The following SCN9A variants were observed in gnomAD, a reference collection of about 807,000 sequenced individuals.
The protein encoded by SCN9A is sodium voltage-gated channel alpha subunit 9, also known as sodium channel protein type 9 subunit alpha.
A neutral mutation model predicts 187.0 loss-of-function variants in SCN9A; 131 were observed. The ratio of observed to expected loss-of-function variants is 0.70; its 90% confidence interval spans 0.61 to 0.81. The LOEUF is 0.81. Ranked by LOEUF, SCN9A falls within the 30% of genes least tolerant of loss-of-function variation. The pLI, the probability that SCN9A is intolerant of heterozygous loss-of-function variation, is 0.00. For missense variants in SCN9A, 2,252 were observed against 2,396.6 expected, an observed-to-expected ratio of 0.94 and a Z score of 1.26; for synonymous variants, 809 against 808.6, an observed-to-expected ratio of 1.00 and a Z score of -0.01.
chr2:166,275,255 T>C (rs1697179531), intron 16 of SCN9A, among the ~76,000 whole-genome samples: 1 of 152,122 alleles, frequency 6.6e-6, no homozygotes, highest in Non-Finnish European at 1.5e-5. Context: ...AGTTATACCT[T>C]TCCCAATTTC....
At chr2:166,200,027 T>G (rs1327404783) in intron 26 of SCN9A, among the ~76,000 whole-genome samples, 163 bp from the exon 27 acceptor site, 2 of 113,914 alleles carry the variant, frequency 1.8e-5, no homozygotes, top group Admixed American at 9.8e-5. Flanking sequence ...AGACGGAGTC[T>G]CGCTCTGTCG....
intron 1 of SCN9A, among the ~76,000 whole-genome samples, chr2:166,342,404 G>T (rs1263041848): frequency 6.6e-6 from 1 of 152,078 alleles, no homozygotes; most frequent in Non-Finnish European, 1.5e-5. Context: ...TAGCTTTCCT[G>T]CCTTTCCTTA....
At chr2:166,335,809 G>A (rs1316903469) in intron 1 of SCN9A, among the ~76,000 whole-genome samples, 2 of 152,066 alleles carry the variant, frequency 1.3e-5, no homozygotes, top group African/African-American at 4.8e-5. Flanking sequence ...GATAAATAAT[G>A]ATGATTACCT....
Position 166,311,788 on chromosome 2 carries a change from A to G in SCN9A, c.-32T>C. On this transcript the variant is annotated 5_prime_UTR_variant, in exon 2 of 27. Coordinates refer to ENST00000642356, the MANE Select transcript of SCN9A (RefSeq NM_001365536.1). Reference sequence around the variant, plus strand: ...ATCCTGTATATTTTAATTCCTCTTCAGCTCCTCACATAAGAGGCCTGGATG... The same window carrying G: ...ATCCTGTATATTTTAATTCCTCTTCGGCTCCTCACATAAGAGGCCTGGATG... 6.5e-7 allele frequency: 1 copy of G among 1,549,414 alleles called. No homozygotes were observed.
chr2:166,298,317 C>T (rs1352178173), intron 7 of SCN9A, among the ~76,000 whole-genome samples: 2 of 152,064 alleles, frequency 1.3e-5, no homozygotes, highest in Non-Finnish European at 2.9e-5. Flanking sequence ...CCAATATAAC[C>T]ACAGTATATT....
At chr2:166,313,274 T>G (rs904204353) in intron 1 of SCN9A, among the ~76,000 whole-genome samples, 1 of 152,110 alleles carries the variant, frequency 6.6e-6, no homozygotes, top group Non-Finnish European at 1.5e-5. Flanking sequence ...AGTCAGCCTG[T>G]TCGTTGAAGC....
At chr2:166,363,705 T>G (rs1214542332) in intron 1 of SCN9A, among the ~76,000 whole-genome samples, 1 of 151,984 alleles carries the variant, frequency 6.6e-6, no homozygotes, top group Admixed American at 6.6e-5. Flanking sequence ...AAATCACCAA[T>G]GAATCACAGA....
intron 1 of SCN9A, among the ~76,000 whole-genome samples, chr2:166,333,589 A>G (rs1699559155): frequency 6.6e-6 from 1 of 152,062 alleles, no homozygotes; most frequent in Non-Finnish European, 1.5e-5. Context: ...TAACTCTGGG[A>G]CTTACTCTTT....
intron 4 of SCN9A, among the ~76,000 whole-genome samples, chr2:166,306,257 T>C (rs913291465): frequency 1.3e-5 from 2 of 152,076 alleles, no homozygotes; most frequent in Admixed American, 6.6e-5. Flanking sequence ...AAGAATAAAA[T>C]ATGTGTAACA....
intron 18 of SCN9A, among the ~76,000 whole-genome samples, chr2:166,245,890 C>T (rs368445785): frequency 6.6e-6 from 1 of 152,078 alleles, no homozygotes; most frequent in African/African-American, 2.4e-5. Context: ...TGACAAGATG[C>T]ACCTGGTAGA....
At chr2:166,304,468 T>C in intron 5 of SCN9A, 139 bp from the exon 6 acceptor site, 1 of 658,602 alleles carries the variant, frequency 1.5e-6, no homozygotes, top group Non-Finnish European at 2.6e-6. Context: ...CTATCATAAC[T>C]AACTTAATTT....
At chr2:166,268,912 T>C (rs146973540) in intron 17 of SCN9A, among the ~76,000 whole-genome samples, 10 of 152,012 alleles carry the variant, frequency 6.6e-5, no homozygotes, top group African/African-American at 2.2e-4. Context: ...ATAATAATGA[T>C]GCAGAAATCG....
intron 12 of SCN9A, among the ~76,000 whole-genome samples, chr2:166,282,840 GAA>G (rs1437111349): frequency 2.6e-5 from 4 of 152,072 alleles, no homozygotes; most frequent in African/African-American, 9.7e-5. Context: ...TCAACTTTTT[GAA>G]AAGTCTCGAA....
At chr2:166,370,023 T>C (rs1215873559) in intron 1 of SCN9A, among the ~76,000 whole-genome samples, 1 of 151,964 alleles carries the variant, frequency 6.6e-6, no homozygotes, top group African/African-American at 2.4e-5. Flanking sequence ...TTTACTCATC[T>C]GCATGGATTT....
At chr2:166,311,313 T>A (rs1178117449) in intron 2 of SCN9A, among the ~76,000 whole-genome samples, 186 bp downstream of exon 2, 2 of 109,288 alleles carry the variant, frequency 1.8e-5, no homozygotes, top group African/African-American at 6.8e-5. Flanking sequence ...TTTGAAAAAG[T>A]ACAGATTCTG....
At chr2:166,207,913 A>C (rs1693893362) in intron 24 of SCN9A, among the ~76,000 whole-genome samples, 1 of 152,218 alleles carries the variant, frequency 6.6e-6, no homozygotes, top group Admixed American at 6.5e-5. Context: ...ACAGCATGCC[A>C]AGAACTTGAC....
rs10638743 is a variant in SCN9A at position 166,353,009 on chromosome 2, G to GTTTT, written c.-51+22684_-51+22687dup. Among the ~76,000 whole-genome samples the GTTTT allele has an allele frequency of 1.8e-3, 268 of 148,030 alleles. 1 individual carries two copies. Among genetic ancestry groups the GTTTT allele is most frequent in the South Asian group, 0.011 (53 of 4,706 alleles). ...GGATCGATATCTTTCCATTGTATCT[G>GTTTT]TTTTTTTTTTAATTTCTTTCTTATT... On this transcript the variant is annotated intron_variant, in intron 1 of 26. Coordinates refer to ENST00000642356, the MANE Select transcript of SCN9A (RefSeq NM_001365536.1).
chr2:166,360,193 T>C (rs1215565964), intron 1 of SCN9A, among the ~76,000 whole-genome samples: 2 of 115,398 alleles, frequency 1.7e-5, no homozygotes, highest in African/African-American at 3.5e-5. Context: ...CACTCCAGCC[T>C]GGGCAACAAG....
At chr2:166,218,994 T>C (rs1352630165) in intron 24 of SCN9A, among the ~76,000 whole-genome samples, 1 of 151,904 alleles carries the variant, frequency 6.6e-6, no homozygotes, top group Non-Finnish European at 1.5e-5. Flanking sequence ...ATTAGAGAAA[T>C]GCAAATCAAA....
Sources: allele counts gnomAD v4.1 joint callset (sites outside exome capture counted in the v4.1 genomes callset), GRCh38; gene constraint gnomAD v4.1.1; transcripts MANE v1.5; gene names NCBI Gene and HGNC (gene_info 2026-07-23, HGNC 2026-07-21).